The following ABCA1 variants were observed in gnomAD, a reference collection of about 807,000 sequenced individuals.
ABCA1 encodes phospholipid-transporting ATPase ABCA1.
Under a neutral mutation model 262.5 loss-of-function variants are expected in ABCA1, and 133 were observed. The ratio of observed to expected loss-of-function variants is 0.51; its 90% CI spans 0.44 to 0.59. ABCA1 has a LOEUF of 0.59. ABCA1 is among the 20% of genes least tolerant of loss of function. The probability of loss-of-function intolerance (pLI) is 0.00; values close to 1 mark genes in which losing one functional copy is unlikely to be tolerated. For synonymous variants in ABCA1, 1,022 were observed against 1,043.5 expected (o/e 0.98, Z 0.40); for missense variants, 2,452 against 2,777.5 (o/e 0.88, Z 2.63).
intron 2 of ABCA1, among the ~76,000 whole-genome samples, chr9:104,900,663 G>A (rs1356919146): frequency 3.3e-5 from 5 of 152,196 alleles, no homozygotes; most frequent in African/African-American, 1.2e-4. Flanking sequence ...AAAAGGGTCT[G>A]CAACTGTAGG....
At chr9:104,788,909 C>T (rs1460099608) in intron 44 of ABCA1, among the ~76,000 whole-genome samples, 1 of 152,166 alleles carries the variant, frequency 6.6e-6, no homozygotes, top group Non-Finnish European at 1.5e-5. Context: ...CGCTAAGGCC[C>T]CATCCTAGAC....
In ABCA1 at chr9:104,818,912, A is replaced by G; in HGVS notation, c.3242-29T>C. ...CCAGGCACAAACACAAGGATGTGGG[A>G]CAGGTGAGGCCTCTCAGTTCTGATT... On this transcript the variant is annotated intron_variant, in intron 22 of 49. Transcript: ENST00000374736. The G allele has an allele frequency of 4.4e-6, 7 of 1,578,854 alleles. No individual in the cohort carries two copies. The Admixed American group carries it at 1.0e-4, about 24-fold the overall frequency.
intron 18 of ABCA1, among the ~76,000 whole-genome samples, chr9:104,824,256 A>G (rs1310264660): frequency 6.6e-6 from 1 of 152,218 alleles, no homozygotes; most frequent in East Asian, 1.9e-4. Context: ...AATGTCCCTC[A>G]GGGATCGAGA....
intron 37 of ABCA1, among the ~76,000 whole-genome samples, chr9:104,797,302 T>C (rs1177372462): frequency 1.3e-5 from 2 of 152,172 alleles, no homozygotes; most frequent in East Asian, 1.9e-4. Context: ...ATAAAACCCA[T>C]GTAATTTAAT....
intron 34 of ABCA1, among the ~76,000 whole-genome samples, chr9:104,801,381 G>C (rs1160084943): frequency 1.3e-5 from 2 of 149,402 alleles, no homozygotes; most frequent in Non-Finnish European, 3.0e-5. Flanking sequence ...CACCATGCCC[G>C]GCTAATTTTT....
intron 47 of ABCA1, 63 bp downstream of exon 47, chr9:104,786,810 C>T (rs1297305710): frequency 2.9e-6 from 4 of 1,372,084 alleles, no homozygotes; most frequent in Non-Finnish European, 4.2e-6. Flanking sequence ...ACAAAATGAT[C>T]GCATATTCTA....
chr9:104,788,644 T>C (rs1829137536), intron 44 of ABCA1, 77 bp from the exon 45 acceptor site: 3 of 1,526,082 alleles, frequency 2.0e-6, no homozygotes, highest in Non-Finnish European at 2.7e-6. Context: ...CTAATGTTCC[T>C]GTAAAGTATG....
At position 104,788,412 on chromosome 9, in the gene ABCA1, G is replaced by T. The variant is rs772261646; in HGVS notation, c.6069+14C>A. On this transcript the variant is annotated intron_variant, in intron 45 of 49. Coordinates refer to ENST00000374736, the MANE Select transcript of ABCA1 (RefSeq NM_005502.4). ...GCCAAAGGAGACAGGCTGGCTTTCA[G>T]GTGCCCACAGTACCTTGCCAACTTC... 3 of 1,614,066 alleles carry T rather than the reference G, an allele frequency of 1.9e-6. No individual in the cohort carries two copies. The highest frequency in any genetic ancestry group is 2.5e-6 in the Non-Finnish European group (3 of 1,179,944).
At chr9:104,884,848 T>C (rs1839012921) in intron 3 of ABCA1, among the ~76,000 whole-genome samples, 1 of 152,174 alleles carries the variant, frequency 6.6e-6, no homozygotes, top group Non-Finnish European at 1.5e-5. Flanking sequence ...GCATCCTTAG[T>C]TCCTCTTTGA....
intron 1 of ABCA1, among the ~76,000 whole-genome samples, chr9:104,914,426 G>C (rs1437663427): frequency 6.6e-6 from 1 of 151,538 alleles, no homozygotes; most frequent in African/African-American, 2.4e-5. Context: ...CTTGAACCCG[G>C]GAGGCAGAGG....
At chr9:104,826,875 G>A in intron 16 of ABCA1, 73 bp downstream of exon 16, 2 of 1,376,126 alleles carry the variant, frequency 1.5e-6, no homozygotes, top group Non-Finnish European at 2.1e-6. Flanking sequence ...TTCTCAACTT[G>A]CTGCTTTTAT....
intron 3 of ABCA1, among the ~76,000 whole-genome samples, chr9:104,888,397 C>T (rs1839404479): frequency 6.6e-6 from 1 of 152,080 alleles, no homozygotes; most frequent in South Asian, 2.1e-4. Flanking sequence ...CTGAGCCCAG[C>T]CCTAAGAGAA....
chr9:104,852,797 G>A (rs963274714), intron 7 of ABCA1, among the ~76,000 whole-genome samples: 1 of 152,120 alleles, frequency 6.6e-6, no homozygotes, highest in Non-Finnish European at 1.5e-5. Flanking sequence ...AACAAAATCT[G>A]ATACTTTCCA....
chr9:104,884,545 G>T lies in ABCA1; in HGVS notation c.184C>A (p.Pro62Thr). 2 of 1,614,194 alleles carry T rather than the reference G, an allele frequency of 1.2e-6. No homozygotes were observed. The highest frequency in any genetic ancestry group is 1.7e-6 in the Non-Finnish European group (2 of 1,180,024). ...ACCCAAGGAAGTGTTCCTGCAGAGGGCATGGCTTTATTTGGAAAATGGCCT... is the reference window on the plus strand; with the variant it reads ...ACCCAAGGAAGTGTTCCTGCAGAGGTCATGGCTTTATTTGGAAAATGGCCT... Reference protein sequence around the residue: ...HECHFPNKAMPSAGTLPWVQG... With the variant: ...HECHFPNKAMTSAGTLPWVQG... The change falls in exon 4 of 50, where the codon CCC becomes ACC. Residue 62 changes from proline (P) to threonine (T), a missense_variant. This residue lies in a region of ABCA1 where 1,032 missense variants were observed against 1,089.7 expected (regional missense o/e 0.95). Coordinates refer to ENST00000374736, the MANE Select transcript of ABCA1 (RefSeq NM_005502.4).
At chr9:104,893,753 G>A (rs1253242974) in intron 2 of ABCA1, among the ~76,000 whole-genome samples, 2 of 152,162 alleles carry the variant, frequency 1.3e-5, no homozygotes, top group Non-Finnish European at 2.9e-5. Context: ...GTTGAGATGA[G>A]CAGCCAATTC....
At position 104,836,981 on chromosome 9, in the gene ABCA1, C is replaced by T. The variant is rs367648567; in HGVS notation, c.1310G>A (p.Arg437Gln). The change falls in exon 11 of 50, where the codon CGG becomes CAG. Residue 437 changes from arginine (R) to glutamine (Q), a missense_variant and splice_region_variant. Around this residue, in one of 4 missense-constraint regions of ABCA1, gnomAD observed 1,032 missense variants for 1,089.7 expected, o/e 0.95. Transcript: ENST00000374736. ...MENSQEMDLV[R>Q]MLLDSRDNDH... ...GGTAATAATGGGAGGGACACTCACCCGGACAAGGTCCATTTCTTGGCTGTT... is the reference window on the plus strand; with the variant it reads ...GGTAATAATGGGAGGGACACTCACCTGGACAAGGTCCATTTCTTGGCTGTT... The T allele has an allele frequency of 5.0e-6, 8 of 1,612,468 alleles. No homozygotes were observed. Among genetic ancestry groups the T allele is most frequent in the Admixed American group, 1.7e-5 (1 of 59,996 alleles).
intron 24 of ABCA1, among the ~76,000 whole-genome samples, chr9:104,816,976 C>G (rs1831832955): frequency 6.6e-6 from 1 of 152,136 alleles, no homozygotes; most frequent in South Asian, 2.1e-4. Flanking sequence ...TTCCTCATCT[C>G]CTGGGCTCTC....
rs1370724465 is a variant in ABCA1, at chr9:104,812,480, T to TA, written c.4050+93dup. On this transcript the variant is annotated intron_variant, in intron 28 of 49. Transcript: ENST00000374736. ...CAGATAAATCTGGCTCCGGCATCCA[T>TA]ATCTTGACCAGGATGCTATCCTGCC... 9.2e-6 allele frequency: 14 copies of TA among 1,517,780 alleles called. No homozygotes were observed. In the East Asian group the frequency reaches 2.9e-4, roughly 32 times the overall value. 94.0% of individuals were successfully genotyped at this position (1,517,780 alleles called of 1,614,324 possible). A position where few individuals can be genotyped will look rare whatever the true frequency, so the allele number is the denominator to read the frequency against.
chr9:104,871,917 C>T (rs1235739445), intron 5 of ABCA1, among the ~76,000 whole-genome samples: 3 of 152,144 alleles, frequency 2.0e-5, no homozygotes, highest in Non-Finnish European at 4.4e-5. Context: ...CTAGAATCAG[C>T]CTGCAGGGCC....
Sources: allele counts gnomAD v4.1 joint callset (sites outside exome capture counted in the v4.1 genomes callset), GRCh38; gene constraint gnomAD v4.1.1; regional missense constraint gnomAD v4.1.1; transcripts MANE v1.5; gene names NCBI Gene and HGNC (gene_info 2026-07-23, HGNC 2026-07-21).